Variants in MRE11 observed in about 807,000 individuals in gnomAD.
The protein encoded by MRE11 is double-strand break repair protein MRE11.
A neutral mutation model predicts 91.7 loss-of-function variants in MRE11; 62 were observed. The ratio of observed to expected loss-of-function variants is 0.68; its 90% confidence interval spans 0.55 to 0.84. The LOEUF (loss-of-function observed/expected upper bound fraction) is 0.84, where lower values mean the gene tolerates loss of function less well. Among genes scored for constraint, MRE11 ranks in the 40% least tolerant of loss-of-function variants. The pLI is 0.00. For missense variants in MRE11, 796 were observed against 852.9 expected, an observed-to-expected ratio of 0.93 and a Z score of 0.83; for synonymous variants, 273 against 271.4, an observed-to-expected ratio of 1.01 and a Z score of -0.06.
Position 94,466,534 on chromosome 11 carries a change from T to C in MRE11, c.1098+1279A>G, listed in dbSNP as rs772362407. ...GCACAAGTAACTGCAGTTTTTGCCA[T>C]TACTTTCTACGACAAAACCCGCAAA... On this transcript the variant is annotated intron_variant, in intron 10 of 19. Transcript: ENST00000323929. 4.2e-5 allele frequency: 22 copies of C among 528,826 alleles called. 1 individual carries two copies. Among genetic ancestry groups the C allele is most frequent in the South Asian group, 3.1e-4 (22 of 71,518 alleles). 32.8% of individuals were successfully genotyped at this position (528,826 alleles called of 1,614,324 possible).
chr11:94,429,165 G>A (rs1374100398), intron 19 of MRE11, among the ~76,000 whole-genome samples: 2 of 152,142 alleles, frequency 1.3e-5, no homozygotes, highest in Non-Finnish European at 2.9e-5. Flanking sequence ...AGTCAGAATG[G>A]CTATTACTAA....
chr11:94,495,637 GT>G (rs1269953467), upstream of MRE11, among the ~76,000 whole-genome samples: 1 of 152,176 alleles, frequency 6.6e-6, no homozygotes, highest in Admixed American at 6.5e-5. Flanking sequence ...AGGTTTATAT[GT>G]TGTGTAACCC....
chr11:94,511,335 T>C, the MRE11 span, among the ~76,000 whole-genome samples: 11 of 152,236 alleles, frequency 7.2e-5, no homozygotes, highest in Non-Finnish European at 1.3e-4. Context: ...GCCAAGCAGA[T>C]GCCAGCATCA....
At chr11:94,447,760 T>C (rs1314654629) in intron 14 of MRE11, among the ~76,000 whole-genome samples, 2 of 151,036 alleles carry the variant, frequency 1.3e-5, no homozygotes, top group East Asian at 3.9e-4. Flanking sequence ...CACTTGAGCC[T>C]AGGAGATACA....
chr11:94,488,082 A>G (rs1947187534), intron 3 of MRE11, among the ~76,000 whole-genome samples: 2 of 152,210 alleles, frequency 1.3e-5, no homozygotes, highest in Non-Finnish European at 2.9e-5. Flanking sequence ...TAAGGGACGC[A>G]GGGAAGAGAA....
At position 94,481,848 on chromosome 11, in the gene MRE11, T is replaced by C. The variant is rs12281915; in HGVS notation, c.315-2087A>G. On this transcript the variant is annotated intron_variant, in intron 4 of 19. Coordinates refer to ENST00000323929, the MANE Select transcript of MRE11 (RefSeq NM_005591.4). ...CTAACTCCTTAGTAGTCTTCTTTTT[T>C]GGGATTTCCCTATCTTTGCCTATTT... Among the ~76,000 whole-genome samples, 1,146 of 152,334 alleles carry C rather than the reference T, an allele frequency of 7.5e-3. 12 individuals carry two copies. Among genetic ancestry groups the C allele is most frequent in the African/African-American group, 0.025 (1,049 of 41,568 alleles).
chr11:94,478,542 A>G (rs919296652), intron 6 of MRE11, among the ~76,000 whole-genome samples, 193 bp downstream of exon 6: 2 of 152,198 alleles, frequency 1.3e-5, no homozygotes, highest in African/African-American at 4.8e-5. Flanking sequence ...AAAAAACCCA[A>G]AATAATAAAT....
At chr11:94,476,873 C>T (rs1156651944) in intron 6 of MRE11, among the ~76,000 whole-genome samples, 2 of 152,078 alleles carry the variant, frequency 1.3e-5, no homozygotes, top group Admixed American at 6.6e-5. Context: ...GCATGCACCA[C>T]CACGTCTGGC....
At chr11:94,484,196 T>C (rs1296737499) in intron 4 of MRE11, among the ~76,000 whole-genome samples, 2 of 151,964 alleles carry the variant, frequency 1.3e-5, no homozygotes, top group African/African-American at 4.8e-5. Flanking sequence ...AGTAATAAAT[T>C]ATAACCCAAA....
intron 12 of MRE11, among the ~76,000 whole-genome samples, chr11:94,460,058 T>C (rs1392949660): frequency 6.6e-6 from 1 of 151,988 alleles, no homozygotes; most frequent in Non-Finnish European, 1.5e-5. Flanking sequence ...GAAAAATAAC[T>C]CTGGGGAAAT....
At chr11:94,504,832 C>T in the MRE11 span, among the ~76,000 whole-genome samples, 1,733 of 152,228 alleles carry the variant, frequency 0.011, 33 homozygotes, top group African/African-American at 0.04. Flanking sequence ...ATTTTTTACA[C>T]GAATGTGTAA....
At position 94,492,905 on chromosome 11, in the gene MRE11, T is replaced by C; in HGVS notation, c.-104A>G. 1.9e-6 allele frequency: 2 copies of C among 1,077,318 alleles called. No homozygotes were observed. Among genetic ancestry groups the C allele is most frequent in the African/African-American group, 1.6e-5 (1 of 63,376 alleles). The allele number at this position is 1,077,318 out of a possible 1,614,324, so 66.7% of individuals were successfully genotyped here. A position where few individuals can be genotyped will look rare whatever the true frequency, so the allele number is the denominator to read the frequency against. ...TGCACTCGATTCCAAATTCTAGAAATTCTAAAAACAAAATTACATCATAAA... is the reference window on the plus strand; with the variant it reads ...TGCACTCGATTCCAAATTCTAGAAACTCTAAAAACAAAATTACATCATAAA... On this transcript the variant is annotated splice_region_variant and 5_prime_UTR_variant, in exon 2 of 20. Transcript: ENST00000323929.
intron 16 of MRE11, among the ~76,000 whole-genome samples, chr11:94,442,244 A>G (rs1012199680): frequency 1.3e-5 from 2 of 152,226 alleles, no homozygotes; most frequent in African/African-American, 4.8e-5. Flanking sequence ...CAAGAGTACC[A>G]TCTTTAGATT....
intron 14 of MRE11, among the ~76,000 whole-genome samples, chr11:94,447,665 C>CAAAAA (rs56850566): frequency 7.0e-4 from 34 of 48,758 alleles, no homozygotes; most frequent in African/African-American, 1.2e-3. Context: ...CCCGTCTCTA[C>CAAAAA]AAAAAAAAAA....
At chr11:94,443,190 G>C (rs1246526596) in intron 16 of MRE11, among the ~76,000 whole-genome samples, 1 of 152,150 alleles carries the variant, frequency 6.6e-6, no homozygotes, top group Non-Finnish European at 1.5e-5. Context: ...TAATTACATA[G>C]GTTATTCTGC....
Position 94,471,908 on chromosome 11 carries a change from A to C in MRE11, c.660-149T>G. 5.8e-6 allele frequency: 4 copies of C among 685,852 alleles called. No homozygotes were observed. In the South Asian group the frequency reaches 7.7e-5, roughly 13 times the overall value. The allele number at this position is 685,852 out of a possible 1,614,324, so 42.5% of individuals were successfully genotyped here. On this transcript the variant is annotated intron_variant, in intron 7 of 19. Coordinates refer to ENST00000323929, the MANE Select transcript of MRE11 (RefSeq NM_005591.4). Reference sequence around the variant, plus strand: ...AGTGTGCACAGGATTGGGAATGTAAAGATCATCAATGCTAACTCCTGACCT... The same window carrying C: ...AGTGTGCACAGGATTGGGAATGTAACGATCATCAATGCTAACTCCTGACCT...
At chr11:94,472,973 T>A (rs556834820) in intron 7 of MRE11, 1 of 152,016 alleles carries the variant, frequency 6.6e-6, no homozygotes, top group African/African-American at 2.4e-5. Context: ...AAAAGTGACA[T>A]AGAAGTGCCA....
At chr11:94,422,831 A>G (rs1945209041) in intron 19 of MRE11, among the ~76,000 whole-genome samples, 1 of 151,982 alleles carries the variant, frequency 6.6e-6, no homozygotes, top group African/African-American at 2.4e-5. Context: ...CTCCTGCCTC[A>G]GCCTCCTGAG....
intron 14 of MRE11, among the ~76,000 whole-genome samples, chr11:94,448,301 G>A (rs2134916602): frequency 6.6e-6 from 1 of 151,986 alleles, no homozygotes; most frequent in Non-Finnish European, 1.5e-5. Flanking sequence ...TAAGGGCTGG[G>A]CGCAGTGGCT....
Sources: allele counts gnomAD v4.1 joint callset (sites outside exome capture counted in the v4.1 genomes callset), GRCh38; gene constraint gnomAD v4.1.1; transcripts MANE v1.5; gene names NCBI Gene and HGNC (gene_info 2026-07-23, HGNC 2026-07-21).